The following VWA8 variants were observed in gnomAD, a reference collection of about 807,000 sequenced individuals.
VWA8 encodes the protein von Willebrand factor A domain containing 8.
VWA8 carries 221 observed loss-of-function variants against 241.5 expected under a neutral mutation model. The ratio of observed to expected loss-of-function variants is 0.91; its 90% CI spans 0.82 to 1.02. The LOEUF (loss-of-function observed/expected upper bound fraction) is 1.02. Ranked by LOEUF, VWA8 falls within the 50% of genes least tolerant of loss-of-function variation. The pLI, the probability that VWA8 is intolerant of heterozygous loss-of-function variation, is 0.00. For synonymous variants in VWA8, 852 were observed against 827.1 expected, an observed-to-expected ratio of 1.03 and a Z score of -0.52; for missense variants, 2,322 against 2,328.7, an observed-to-expected ratio of 1.00 and a Z score of 0.06.
In VWA8 at chr13:41,915,115, T is replaced by G. The variant is rs185142952; in HGVS notation, c.242-2947A>C. 1.1e-3 allele frequency among the ~76,000 whole-genome samples: 160 copies of G among 152,338 alleles called. 1 individual carries two copies. Among genetic ancestry groups the G allele is most frequent in the East Asian group, 1.7e-3 (9 of 5,192 alleles). On this transcript the variant is annotated intron_variant, in intron 2 of 44. Coordinates refer to ENST00000379310, the MANE Select transcript of VWA8 (RefSeq NM_015058.2). ...TTTTTGAAGCAAACTGGAGCAGAATTGAGGTTATAGCCATAATAGAGACAT... is the reference window on the plus strand; with the variant it reads ...TTTTTGAAGCAAACTGGAGCAGAATGGAGGTTATAGCCATAATAGAGACAT...
chr13:41,693,176 G>T (rs1348393850), intron 29 of VWA8, among the ~76,000 whole-genome samples: 2 of 151,900 alleles, frequency 1.3e-5, no homozygotes, highest in African/African-American at 4.8e-5. Context: ...CTTAATTTAA[G>T]AATTTAAAAT....
At chr13:41,824,647 G>C (rs1285757767) in intron 14 of VWA8, among the ~76,000 whole-genome samples, 1 of 151,944 alleles carries the variant, frequency 6.6e-6, no homozygotes, top group African/African-American at 2.4e-5. Context: ...GGGCAACATA[G>C]AGAGACCACC....
intron 37 of VWA8, among the ~76,000 whole-genome samples, chr13:41,633,779 G>A (rs188587836): frequency 3.9e-5 from 6 of 152,054 alleles, no homozygotes; most frequent in Non-Finnish European, 7.4e-5. Flanking sequence ...TTAATCAGGG[G>A]TTTCTACAAT....
intron 35 of VWA8, among the ~76,000 whole-genome samples, chr13:41,676,324 T>C (rs2045060022): frequency 6.6e-6 from 1 of 152,084 alleles, no homozygotes; most frequent in Non-Finnish European, 1.5e-5. Context: ...AACCAGGTGG[T>C]GAAGACCTGC....
At chr13:41,827,514 A>C (rs1274926370) in intron 14 of VWA8, among the ~76,000 whole-genome samples, 1 of 152,222 alleles carries the variant, frequency 6.6e-6, no homozygotes, top group African/African-American at 2.4e-5. Context: ...TCAACTGATC[A>C]ATCTATGACA....
intron 29 of VWA8, among the ~76,000 whole-genome samples, chr13:41,694,986 G>C (rs1161467868): frequency 6.6e-6 from 1 of 152,138 alleles, no homozygotes; most frequent in Non-Finnish European, 1.5e-5. Context: ...GAGTTCTGTT[G>C]CTCCATCCTT....
intron 37 of VWA8, among the ~76,000 whole-genome samples, chr13:41,644,074 T>G (rs140210481): frequency 2.8e-4 from 42 of 152,270 alleles, no homozygotes; most frequent in Non-Finnish European, 5.4e-4. Context: ...ACAGACTTCA[T>G]TGAAATTTAA....
chr13:41,863,454 TTCAC>T (rs149712742), intron 12 of VWA8, among the ~76,000 whole-genome samples: 2,324 of 94,856 alleles, frequency 0.025, 140 homozygotes, highest in African/African-American at 0.081. Context: ...TATATATATA[TTCAC>T]ACACACACAC....
intron 34 of VWA8, among the ~76,000 whole-genome samples, chr13:41,685,481 C>T (rs187857300): frequency 1.6e-3 from 246 of 152,154 alleles, no homozygotes; most frequent in African/African-American, 5.7e-3. Flanking sequence ...CATAGTGAAA[C>T]CCCGTCCCTA....
chr13:41,948,840 TAAAC>T (rs1263664343), intron 2 of VWA8, among the ~76,000 whole-genome samples: 1 of 152,076 alleles, frequency 6.6e-6, no homozygotes, highest in Non-Finnish European at 1.5e-5. Context: ...GGAGAATGGA[TAAAC>T]AAACTGTGGT....
At chr13:41,772,181 C>T (rs1185018630) in intron 20 of VWA8, among the ~76,000 whole-genome samples, 3 of 152,166 alleles carry the variant, frequency 2.0e-5, no homozygotes, top group East Asian at 3.8e-4. Context: ...TGAGCCACTG[C>T]GCCCGGCCTC....
intron 17 of VWA8, among the ~76,000 whole-genome samples, chr13:41,792,727 G>T (rs556058080): frequency 5.7e-4 from 86 of 151,904 alleles, no homozygotes; most frequent in African/African-American, 1.9e-3. Flanking sequence ...CCATTTATTT[G>T]TCTTCTTTTA....
intron 37 of VWA8, among the ~76,000 whole-genome samples, chr13:41,632,370 T>C (rs2044732028): frequency 6.6e-6 from 1 of 151,954 alleles, no homozygotes; most frequent in Admixed American, 6.6e-5. Flanking sequence ...AAAGGGAGGG[T>C]AGGTAGACAA....
rs1875499311 is a variant in VWA8 at position 41,902,402 on chromosome 13, G to C, written c.483+5184C>G. Among the ~76,000 whole-genome samples, 3 of 152,248 alleles carry C rather than the reference G, an allele frequency of 2.0e-5. No individual in the cohort carries two copies. In the South Asian group the frequency reaches 6.2e-4, roughly 32 times the overall value. The stretch of plus-strand genomic sequence containing the variant: ...AAATATTCATGCTGCTCGTCTTGAA[G>C]AAGAATACAGCAAGTAATTTTTCAG... On this transcript the variant is annotated intron_variant, in intron 4 of 44. Transcript: ENST00000379310.
intron 12 of VWA8, among the ~76,000 whole-genome samples, chr13:41,863,185 G>A (rs1214513897): frequency 7.9e-5 from 12 of 151,266 alleles, no homozygotes; most frequent in Non-Finnish European, 1.6e-4. Flanking sequence ...GGCAAGACGG[G>A]TCTAGCCTCC....
chr13:41,959,606 C>CTTTTTTTT (rs1168629617), intron 1 of VWA8, among the ~76,000 whole-genome samples: 2,215 of 79,512 alleles, frequency 0.028, 407 homozygotes, highest in African/African-American at 0.058. Context: ...CCTAAATATG[C>CTTTTTTTT]TTTTTTTTTT....
chr13:41,891,550 A>G lies in VWA8; in HGVS notation c.521T>C (p.Ile174Thr), dbSNP rs1874847156. ...CTCTGCCTTTTCCAAACCTTCCAAAATGAGAGTTCTGCCTTCTGTGGCTGC... is the reference window on the plus strand; with the variant it reads ...CTCTGCCTTTTCCAAACCTTCCAAAGTGAGAGTTCTGCCTTCTGTGGCTGC... ...VRAATEGRTLILEGLEKAERN... is the reference protein window; with the variant it reads ...VRAATEGRTLTLEGLEKAERN... The change falls in exon 5 of 45, where the codon ATT becomes ACT. Residue 174 changes from isoleucine (I) to threonine (T), a missense_variant. By Grantham distance (89) the Ile-to-Thr change is moderately conservative. Transcript: ENST00000379310. 4 of 1,614,040 alleles carry G rather than the reference A, an allele frequency of 2.5e-6. No homozygotes were observed. Among genetic ancestry groups the G allele is most frequent in the African/African-American group, 2.7e-5 (2 of 74,920 alleles).
At chr13:41,689,328 C>T (rs375827997) in intron 34 of VWA8, 26 bp downstream of exon 34, 21 of 1,596,404 alleles carry the variant, frequency 1.3e-5, no homozygotes, top group South Asian at 3.4e-5. Flanking sequence ...AACATTTATC[C>T]GATAATTTAA....
In VWA8 at chr13:41,590,710, T is replaced by C; in HGVS notation, c.5042A>G (p.Asp1681Gly). The change falls in exon 41 of 45, where the codon GAT becomes GGT. Residue 1681 changes from aspartate to glycine, a missense_variant. Physicochemically the swap from Asp to Gly is moderately conservative, Grantham distance 94 (BLOSUM62 -1). Transcript: ENST00000379310. ...LRHQATGELD[D>G]AKIIDGLTGE... ...AGTCAGCCCATCAATGATCTTGGCA[T>C]CATCTAATTCTCCAGTAGCTTGATG... 1 of 1,614,178 alleles carries C rather than the reference T, an allele frequency of 6.2e-7. No individual in the cohort carries two copies. The highest frequency in any genetic ancestry group is 8.5e-7 in the Non-Finnish European group (1 of 1,180,034).
Sources: gnomAD v4.1 joint callset for allele counts (sites outside exome capture counted in the v4.1 genomes callset) on GRCh38, gnomAD v4.1.1 for gene constraint, MANE v1.5 for transcripts, NCBI Gene and HGNC (gene_info 2026-07-23, HGNC 2026-07-21) for gene names.